Variants in TCOF1 observed in about 807,000 individuals in gnomAD.
The protein encoded by TCOF1 is treacle protein.
Under a neutral mutation model 149.0 loss-of-function variants are expected in TCOF1, and 33 were observed. The observed-to-expected ratio is 0.22, with a 90% confidence interval of 0.17 to 0.30. The LOEUF is 0.30. Ranked by LOEUF, TCOF1 falls within the 10% of genes least tolerant of loss-of-function variation. The pLI is 1.00. For missense variants in TCOF1, 1,728 were observed against 1,840.7 expected (o/e 0.94, Z 1.12); for synonymous variants, 789 against 738.8 (o/e 1.07, Z -1.10).
chr5:150,379,501 CTCTCT>C (rs1277032514), intron 16 of TCOF1, 26 bp from the exon 17 acceptor site: 2 of 1,613,314 alleles, frequency 1.2e-6, no homozygotes, highest in South Asian at 2.2e-5. Flanking sequence ...ACCCTCCAGG[CTCTCT>C]CCTCTCATCC....
chr5:150,378,915 C>T lies in TCOF1; in HGVS notation c.2351C>T (p.Ser784Leu), dbSNP rs756389542. The T allele has an allele frequency of 2.5e-6, 4 of 1,614,080 alleles. No individual in the cohort carries two copies. The highest frequency in any genetic ancestry group is 3.3e-5 in the Admixed American group (2 of 60,020). The change falls in exon 15 of 27, where the codon TCA (serine) becomes TTA (leucine). Residue 784 changes from serine to leucine, a missense_variant. Ser to Leu is a moderately radical substitution (Grantham distance 145, BLOSUM62 -2). Transcript: ENST00000643257. ...AAASPAQVKTSVKKTQAKANP... is the reference protein window; with the variant it reads ...AAASPAQVKTLVKKTQAKANP... ...CTTTTCTCCACTCAGGTGAAAACCT[C>T]AGTAAAGAAAACCCAGGCCAAAGCC...
chr5:150,393,489 G>T lies in TCOF1; in HGVS notation c.3721G>T (p.Asp1241Tyr), dbSNP rs1445599800. 2 of 1,614,140 alleles carry T rather than the reference G, an allele frequency of 1.2e-6. No homozygotes were observed. The highest frequency in any genetic ancestry group is 1.7e-5 in the Admixed American group (1 of 60,018). The part of the protein sequence containing the change: ...SVSSTLAAKD[D>Y]PDGKQEAKPQ... ...TTCCTCTACTCTGGCCGCCAAAGAT[G>T]ACCCAGATGGCAAGCAGGAGGCAAA... The change falls in exon 23 of 27, where the codon GAC (aspartate) becomes TAC (tyrosine). Residue 1241 changes from aspartate to tyrosine, a missense_variant. Coordinates refer to ENST00000643257, the MANE Select transcript of TCOF1 (RefSeq NM_001371623.1).
chr5:150,397,020 G>A (rs1001428796), intron 24 of TCOF1, among the ~76,000 whole-genome samples, 178 bp downstream of exon 24: 5 of 152,042 alleles, frequency 3.3e-5, no homozygotes, highest in African/African-American at 4.8e-5. Context: ...TTAGCTGGAT[G>A]TGGTGGCGGG....
In TCOF1 at chr5:150,369,614, C is replaced by G. The variant is rs1481308450; in HGVS notation, c.639+12C>G. 1.2e-6 allele frequency: 2 copies of G among 1,614,010 alleles called. No homozygotes were observed. The highest frequency in any genetic ancestry group is 1.6e-4 in the Middle Eastern group (1 of 6,062). On this transcript the variant is annotated intron_variant, in intron 6 of 26. Transcript: ENST00000643257. Reference sequence around the variant, plus strand: ...AGACAGACGTGGAGGTAATTGCCACCCATCCCTAGGAGTTGCCCTCTCCCA... The same window carrying G: ...AGACAGACGTGGAGGTAATTGCCACGCATCCCTAGGAGTTGCCCTCTCCCA...
Position 150,396,316 on chromosome 5 carries a change from G to C in TCOF1, c.3819G>C (p.Gln1273His), listed in dbSNP as rs1300071074. 1 of 1,613,846 alleles carries C rather than the reference G, an allele frequency of 6.2e-7. No individual in the cohort carries two copies. Among genetic ancestry groups the C allele is most frequent in the African/African-American group, 1.3e-5 (1 of 74,926 alleles). The part of the protein sequence containing the change: ...GKEAASGTTP[Q>H]KSRKPKKGAG... ...AGGCTGCTTCAGGCACCACACCTCA[G>C]AAGTCCCGGAAGCCCAAGAAAGGGG... is the stretch of plus-strand genomic sequence containing the variant. Residue 1273 changes from glutamine to histidine, a missense_variant, in exon 24 of 27, where the codon CAG becomes CAC. Physicochemically the swap from Gln to His is conservative, Grantham distance 24 (BLOSUM62 0). Around this residue, in one of 2 missense-constraint regions of TCOF1, gnomAD observed 1,696 missense variants for 1,765.4 expected, o/e 0.96. Transcript: ENST00000643257.
chr5:150,369,630 C>G, intron 6 of TCOF1, 28 bp downstream of exon 6: 1 of 1,612,592 alleles, frequency 6.2e-7, no homozygotes, highest in Non-Finnish European at 8.5e-7. Flanking sequence ...CTAGGAGTTG[C>G]CCTCTCCCAG....
chr5:150,363,874 T>G (rs528016191), intron 2 of TCOF1, among the ~76,000 whole-genome samples: 6 of 152,352 alleles, frequency 3.9e-5, no homozygotes, highest in Non-Finnish European at 8.8e-5. Context: ...GCAGCTGTTA[T>G]ATAACATTAT....
In TCOF1 at chr5:150,398,460, T is replaced by C. The variant is rs1417765768; in HGVS notation, c.4443+9T>C. On this transcript the variant is annotated intron_variant, in intron 25 of 26. Coordinates refer to ENST00000643257, the MANE Select transcript of TCOF1 (RefSeq NM_001371623.1). ...AGAAAAAGAAGAAAAAGGTAGAGAGTTCCTGGGGTGTCTCAGGCCAGAAAA... is the reference window on the plus strand; with the variant it reads ...AGAAAAAGAAGAAAAAGGTAGAGAGCTCCTGGGGTGTCTCAGGCCAGAAAA... 2 of 1,613,582 alleles carry C rather than the reference T, an allele frequency of 1.2e-6. No homozygotes were observed. The highest frequency in any genetic ancestry group is 1.7e-6 in the Non-Finnish European group (2 of 1,179,868).
At chr5:150,368,616 C>T (rs1029230410) in intron 4 of TCOF1, 100 bp from the exon 5 acceptor site, 1 of 1,431,114 alleles carries the variant, frequency 7.0e-7, no homozygotes, top group Non-Finnish European at 9.8e-7. Flanking sequence ...CCCAAACTCA[C>T]ACAGCTAAGA....
chr5:150,375,830 T>A lies in TCOF1; in HGVS notation c.1814T>A (p.Met605Lys), dbSNP rs377438826. 4 of 1,613,992 alleles carry A rather than the reference T, an allele frequency of 2.5e-6. No individual in the cohort carries two copies. The African/African-American group carries it at 5.3e-5, about 22-fold the overall frequency. Residue 605 changes from methionine to lysine, a missense_variant, in exon 12 of 27, where the codon ATG (methionine) becomes AAG (lysine). By Grantham distance (95) the Met-to-Lys change is moderately conservative. Around this residue, in one of 2 missense-constraint regions of TCOF1, gnomAD observed 1,696 missense variants for 1,765.4 expected, o/e 0.96. Coordinates refer to ENST00000643257, the MANE Select transcript of TCOF1 (RefSeq NM_001371623.1). ...VAVQVKAEKP[M>K]DNSESSEESS... is the part of the protein sequence containing the mutation. ...GTCCAGGTCAAGGCTGAAAAGCCCA[T>A]GGACAACTCGGAGAGCAGCGAGGAG...
At chr5:150,360,723 A>G (rs973549107) in intron 1 of TCOF1, among the ~76,000 whole-genome samples, 2 of 151,350 alleles carry the variant, frequency 1.3e-5, no homozygotes, top group Non-Finnish European at 2.9e-5. Context: ...CCCAGAGCAA[A>G]AAGACCCTCT....
intron 3 of TCOF1, among the ~76,000 whole-genome samples, chr5:150,364,755 CCTT>C (rs376461839): frequency 5.9e-5 from 9 of 152,084 alleles, no homozygotes; most frequent in African/African-American, 1.4e-4. Context: ...TTTTATAGCC[CCTT>C]CTTCTCCTAA....
At position 150,379,350 on chromosome 5, in the gene TCOF1, A is replaced by G; in HGVS notation, c.2600A>G (p.Asp867Gly). 1 of 1,614,130 alleles carries G rather than the reference A, an allele frequency of 6.2e-7. No homozygotes were observed. The highest frequency in any genetic ancestry group is 8.5e-7 in the Non-Finnish European group (1 of 1,180,018). The change falls in exon 16 of 27, where the codon GAC (aspartate) becomes GGC (glycine). Residue 867 changes from aspartate to glycine, a missense_variant. Around this residue, in one of 2 missense-constraint regions of TCOF1, gnomAD observed 1,696 missense variants for 1,765.4 expected, o/e 0.96. Coordinates refer to ENST00000643257, the MANE Select transcript of TCOF1 (RefSeq NM_001371623.1). ...CAGGCCCAGACAGGGCCAGAGGAGG[A>G]CTCAGGGAGCAGTGAGGAGGAGTCA... ...AAQAQTGPEE[D>G]SGSSEEESDS...
At chr5:150,373,218 G>A (rs1334177354) in intron 7 of TCOF1, among the ~76,000 whole-genome samples, 1 of 151,844 alleles carries the variant, frequency 6.6e-6, no homozygotes, top group Non-Finnish European at 1.5e-5. Flanking sequence ...CAGCTTGTGT[G>A]TGTGTGTGTG....
chr5:150,378,660 T>C, intron 14 of TCOF1: 2 of 556,476 alleles, frequency 3.6e-6, no homozygotes, highest in Non-Finnish European at 6.4e-6. Flanking sequence ...CCAGACATCA[T>C]GTTAAACTCT....
chr5:150,383,024 T>G (rs1166984707), intron 17 of TCOF1: 1 of 1,484,104 alleles, frequency 6.7e-7, no homozygotes. Flanking sequence ...AATGCCCCAC[T>G]CCCCGACCAC....
In TCOF1 at chr5:150,369,542, G is replaced by A. The variant is rs142965998; in HGVS notation, c.579G>A (p.Ala193=). The change falls in exon 6 of 27, where the codon GCG becomes GCA. Residue 193 remains alanine, a synonymous_variant. Transcript: ENST00000643257. ...GAAAKPGMVS[A]GQADSSSEDT... ...TCCGATCCTCAGGGATGGTGTCAGC[G>A]GGCCAGGCCGACAGCTCCAGCGAGG... is the stretch of plus-strand genomic sequence containing the variant. 1,618 of 1,614,134 alleles carry A rather than the reference G, an allele frequency of 1.0e-3. 13 individuals are homozygous for A. The African/African-American group carries it at 0.018, about 18-fold the overall frequency.
At position 150,376,577 on chromosome 5, in the gene TCOF1, A is replaced by T; in HGVS notation, c.2297A>T (p.Glu766Val). ...AAGCAGGAAGACTCTGAGAGCAGTG[A>T]GGAGGAATCAGACAGTGAGGAAGCA... is the stretch of plus-strand genomic sequence containing the variant. ...AEKQEDSESS[E>V]EESDSEEAAA... The change falls in exon 14 of 27, where the codon GAG (glutamate) becomes GTG (valine). Residue 766 changes from glutamate (E) to valine (V), a missense_variant. Physicochemically the swap from Glu to Val is moderately radical, Grantham distance 121. Around this residue, in one of 2 missense-constraint regions of TCOF1, gnomAD observed 1,696 missense variants for 1,765.4 expected, o/e 0.96. Transcript: ENST00000643257. The T allele has an allele frequency of 8.2e-6, 13 of 1,588,980 alleles. No individual in the cohort carries two copies. Among genetic ancestry groups the T allele is most frequent in the Non-Finnish European group, 1.1e-5 (13 of 1,167,390 alleles).
rs764924499 is a variant in TCOF1 at position 150,389,982 on chromosome 5, C to A, written c.3142C>A (p.Arg1048=). 36 of 1,613,830 alleles carry A rather than the reference C, an allele frequency of 2.2e-5. No individual in the cohort carries two copies. Among genetic ancestry groups the A allele is most frequent in the Non-Finnish European group, 3.1e-5 (36 of 1,179,926 alleles). The stretch of plus-strand genomic sequence containing the variant: ...GGCCAGCAGCAGCAAGGAGTCCAGT[C>A]GGATATCAGATGGCAAGAAACAGGA... ...AGASSSKESS[R]ISDGKKQEGP... Residue 1048 remains arginine, a synonymous_variant, in exon 19 of 27, where the codon CGG becomes AGG. Transcript: ENST00000643257.
Sources: gnomAD v4.1 joint callset for allele counts (sites outside exome capture counted in the v4.1 genomes callset) on GRCh38, gnomAD v4.1.1 for gene constraint, gnomAD v4.1.1 regional missense constraint, MANE v1.5 for transcripts, NCBI Gene and HGNC (gene_info 2026-07-23, HGNC 2026-07-21) for gene names.